The following SGMS1 variants were observed in gnomAD, a reference collection of about 807,000 sequenced individuals.
SGMS1 encodes phosphatidylcholine:ceramide cholinephosphotransferase 1.
SGMS1 carries 13 observed loss-of-function variants against 46.2 expected under a neutral mutation model. That is an observed-to-expected ratio of 0.28 (90% CI 0.18 to 0.45). SGMS1 has a LOEUF of 0.45. Among genes scored for constraint, SGMS1 ranks in the 20% least tolerant of loss-of-function variants. SGMS1 has a pLI of 1.00. For synonymous variants in SGMS1, 203 were observed against 187.8 expected, an observed-to-expected ratio of 1.08 and a Z score of -0.66; for missense variants, 324 against 519.9, an observed-to-expected ratio of 0.62 and a Z score of 3.66.
At chr10:50,527,368 A>C (rs923289337) in intron 2 of SGMS1, among the ~76,000 whole-genome samples, 5 of 152,210 alleles carry the variant, frequency 3.3e-5, no homozygotes, top group Non-Finnish European at 7.4e-5. Context: ...ACACTTGTAA[A>C]CATATATATT....
At chr10:50,546,737 G>A (rs1193936651) in intron 2 of SGMS1, among the ~76,000 whole-genome samples, 1 of 152,134 alleles carries the variant, frequency 6.6e-6, no homozygotes, top group Admixed American at 6.6e-5. Context: ...TCGGGGGAGA[G>A]GGGAGGGATA....
At chr10:50,590,666 A>G (rs901066307) in intron 1 of SGMS1, 11 of 152,210 alleles carry the variant, frequency 7.2e-5, no homozygotes, top group African/African-American at 2.4e-4. Flanking sequence ...GTTTTCTGGT[A>G]AAAACAAGAA....
chr10:50,528,121 T>A (rs959586296), intron 2 of SGMS1, among the ~76,000 whole-genome samples: 1 of 152,196 alleles, frequency 6.6e-6, no homozygotes, highest in Non-Finnish European at 1.5e-5. Context: ...ACAATATCAG[T>A]CTATAAACCA....
Position 50,421,773 on chromosome 10 carries a change from G to A in SGMS1, c.-232+11703C>T, listed in dbSNP as rs537575529. Among the ~76,000 whole-genome samples, 13 of 152,146 alleles carry A rather than the reference G, an allele frequency of 8.5e-5. No individual in the cohort carries two copies. In the South Asian group the frequency reaches 2.7e-3, roughly 32 times the overall value. ...TCCGAGTGTGCCATGTACACTCGAG[G>A]GTCTAAAAATTCTTAACTTTCACAT... On this transcript the variant is annotated intron_variant, in intron 6 of 10. Coordinates refer to ENST00000361781, the MANE Select transcript of SGMS1 (RefSeq NM_147156.4).
At chr10:50,449,577 T>C (rs1230107702) in intron 5 of SGMS1, among the ~76,000 whole-genome samples, 1 of 152,208 alleles carries the variant, frequency 6.6e-6, no homozygotes, top group Non-Finnish European at 1.5e-5. Context: ...TTTCTTCATG[T>C]CCTTACTTAG....
intron 6 of SGMS1, among the ~76,000 whole-genome samples, chr10:50,390,031 T>C (rs560931743): frequency 4.3e-4 from 66 of 152,376 alleles, no homozygotes; most frequent in Non-Finnish European, 7.9e-4. Flanking sequence ...CCATTACTCC[T>C]GATTTTAGCT....
intron 2 of SGMS1, among the ~76,000 whole-genome samples, chr10:50,563,717 T>C (rs1588878251): frequency 8.7e-6 from 1 of 114,772 alleles, no homozygotes; most frequent in African/African-American, 3.5e-5. Context: ...CACTCCAGCC[T>C]GGGCGACAGA....
chr10:50,602,576 C>T (rs933237280), intron 1 of SGMS1, among the ~76,000 whole-genome samples: 1 of 152,152 alleles, frequency 6.6e-6, no homozygotes, highest in African/African-American at 2.4e-5. Flanking sequence ...CAGGCACTCT[C>T]CTAGGCATGA....
chr10:50,382,708 G>C (rs1042538253), intron 6 of SGMS1, among the ~76,000 whole-genome samples: 1 of 151,810 alleles, frequency 6.6e-6, no homozygotes, highest in Admixed American at 6.6e-5. Flanking sequence ...AAATTTAGCC[G>C]ACAGATCTAA....
At chr10:50,379,504 G>A (rs1007192330) in intron 6 of SGMS1, among the ~76,000 whole-genome samples, 3 of 152,006 alleles carry the variant, frequency 2.0e-5, no homozygotes, top group African/African-American at 7.2e-5. Flanking sequence ...TATACATACA[G>A]AGGCTACGGA....
At chr10:50,509,191 C>A (rs537797264) in intron 3 of SGMS1, among the ~76,000 whole-genome samples, 1 of 152,268 alleles carries the variant, frequency 6.6e-6, no homozygotes, top group Admixed American at 6.5e-5. Context: ...TTCAACCCCA[C>A]GAATCACAGC....
At chr10:50,363,611 A>C (rs1267583727) in intron 6 of SGMS1, among the ~76,000 whole-genome samples, 1 of 152,206 alleles carries the variant, frequency 6.6e-6, no homozygotes, top group Admixed American at 6.5e-5. Context: ...TCTGACTAAA[A>C]ACAAGGGACA....
chr10:50,404,098 CA>C (rs1343754915), intron 6 of SGMS1, among the ~76,000 whole-genome samples: 1 of 151,194 alleles, frequency 6.6e-6, no homozygotes, highest in Non-Finnish European at 1.5e-5. Context: ...GACACAAGGG[CA>C]AAAGGAAGGA....
intron 2 of SGMS1, among the ~76,000 whole-genome samples, chr10:50,549,239 GCAC>G (rs985280591): frequency 1.3e-5 from 2 of 152,126 alleles, no homozygotes; most frequent in African/African-American, 2.4e-5. Context: ...AAAGATACAT[GCAC>G]ACGTACATTC....
intron 6 of SGMS1, among the ~76,000 whole-genome samples, chr10:50,401,828 A>G (rs910997050): frequency 6.6e-6 from 1 of 152,154 alleles, no homozygotes; most frequent in African/African-American, 2.4e-5. Flanking sequence ...TCAAACACTC[A>G]TTTTTCAAAG....
chr10:50,525,500 T>C (rs959621593), intron 2 of SGMS1, among the ~76,000 whole-genome samples: 6 of 152,206 alleles, frequency 3.9e-5, no homozygotes, highest in Non-Finnish European at 8.8e-5. Context: ...ACCAAGATGC[T>C]TGGTCTCTTG....
chr10:50,500,339 T>C (rs1288478626), intron 3 of SGMS1, among the ~76,000 whole-genome samples: 1 of 152,194 alleles, frequency 6.6e-6, no homozygotes, highest in Admixed American at 6.5e-5. Context: ...TGCTGTTCTG[T>C]TTATAGAAAT....
Position 50,307,892 on chromosome 10 carries a change from C to G in SGMS1, c.1062+90G>C. On this transcript the variant is annotated intron_variant, in intron 10 of 10. Transcript: ENST00000361781. The surrounding 1 kb of genome is among the most constrained non-coding windows in gnomAD (Gnocchi z 4.2). The stretch of plus-strand genomic sequence containing the variant: ...ATTACTACTTAAGAAAGAGAAACTT[C>G]AGACATCCACAGGTTCTTTGCACCC... 1 of 1,273,140 alleles carries G rather than the reference C, an allele frequency of 7.9e-7. No homozygotes were observed. Among genetic ancestry groups the G allele is most frequent in the South Asian group, 1.3e-5 (1 of 75,814 alleles). 78.9% of individuals were successfully genotyped at this position (1,273,140 alleles called of 1,614,324 possible). A position where few individuals can be genotyped will look rare whatever the true frequency, so the allele number is the denominator to read the frequency against.
At chr10:50,322,610 A>C (rs1331768108) in intron 8 of SGMS1, among the ~76,000 whole-genome samples, 2 of 151,864 alleles carry the variant, frequency 1.3e-5, no homozygotes, top group African/African-American at 2.4e-5. Flanking sequence ...AGGCGGGTGG[A>C]TCATGAGGTC....
Sources: allele counts gnomAD v4.1 joint callset (sites outside exome capture counted in the v4.1 genomes callset), GRCh38; gene constraint gnomAD v4.1.1; non-coding constraint Gnocchi (gnomAD v3.1); transcripts MANE v1.5; gene names NCBI Gene and HGNC (gene_info 2026-07-23, HGNC 2026-07-21).